Variants in HRH2 observed in about 807,000 individuals in gnomAD.
HRH2 encodes the protein histamine H2 receptor.
A neutral mutation model predicts 20.1 loss-of-function variants in HRH2; 4 were observed. The observed-to-expected ratio is 0.20, with a 90% CI of 0.10 to 0.45. The LOEUF is 0.45. Among genes scored for constraint, HRH2 ranks in the 20% least tolerant of loss-of-function variants. The probability of loss-of-function intolerance (pLI) is 0.99; values close to 1 mark genes in which losing one functional copy is unlikely to be tolerated. For missense variants in HRH2, 250 were observed against 461.6 expected (o/e 0.54, Z 4.20); for synonymous variants, 197 against 200.7 (o/e 0.98, Z 0.16).
intron 1 of HRH2, among the ~76,000 whole-genome samples, chr5:175,674,538 G>A (rs776854738): frequency 6.6e-6 from 1 of 151,952 alleles, no homozygotes; most frequent in South Asian, 2.1e-4. Flanking sequence ...GAGGACACAC[G>A]TCTCGGGGGT....
chr5:175,665,902 T>TG (rs1207360265), intron 1 of HRH2, among the ~76,000 whole-genome samples: 1 of 151,164 alleles, frequency 6.6e-6, no homozygotes, highest in African/African-American at 2.4e-5. Flanking sequence ...AAGATATTTT[T>TG]GGGAAAAAAA....
intron 2 of HRH2, among the ~76,000 whole-genome samples, chr5:175,688,365 G>C (rs867682373): frequency 1.3e-5 from 2 of 152,156 alleles, no homozygotes; most frequent in Non-Finnish European, 2.9e-5. Context: ...CCCCTGTCCT[G>C]CTGCCTTTCC....
intron 1 of HRH2, among the ~76,000 whole-genome samples, chr5:175,678,758 A>G (rs761152447): frequency 5.3e-5 from 8 of 152,336 alleles, no homozygotes; most frequent in Non-Finnish European, 1.0e-4. Context: ...GAGAAGCCCA[A>G]TCAAGCCTTA....
At chr5:175,703,290 C>CTCTT (rs1756848365) in intron 2 of HRH2, among the ~76,000 whole-genome samples, 2 of 152,128 alleles carry the variant, frequency 1.3e-5, no homozygotes, top group South Asian at 4.1e-4. Context: ...CATAACAAAA[C>CTCTT]TCTTACATAG....
Position 175,687,396 on chromosome 5 carries a change from A to G in HRH2, c.1076+3087A>G, listed in dbSNP as rs751962118. 1.3e-5 allele frequency among the ~76,000 whole-genome samples: 2 copies of G among 152,086 alleles called. No individual in the cohort carries two copies. The highest frequency in any genetic ancestry group is 2.4e-5 in the African/African-American group (1 of 41,406). On this transcript the variant is annotated intron_variant, in intron 2 of 2. Transcript: ENST00000636584. The surrounding 1 kb of genome is among the most constrained non-coding windows in gnomAD (Gnocchi z 5.2). ...CAAGATTGGGCTGTCTGCCTGAGCC[A>G]AGAATTCCGAAGGGAACGGAGCCAG...
At chr5:175,665,057 T>C (rs554056703) in intron 1 of HRH2, among the ~76,000 whole-genome samples, 1 of 152,194 alleles carries the variant, frequency 6.6e-6, no homozygotes, top group Non-Finnish European at 1.5e-5. Flanking sequence ...GCCAGGAACT[T>C]AATCAGGATG....
At chr5:175,662,320 G>T (rs965426120) in intron 1 of HRH2, among the ~76,000 whole-genome samples, 3 of 152,172 alleles carry the variant, frequency 2.0e-5, no homozygotes, top group Non-Finnish European at 4.4e-5. Flanking sequence ...AGCTATTTTT[G>T]ATTTTCACAA....
chr5:175,682,134 C>T (rs1756000710), intron 1 of HRH2, among the ~76,000 whole-genome samples: 1 of 152,218 alleles, frequency 6.6e-6, no homozygotes, highest in African/African-American at 2.4e-5. Context: ...GCTGCATTCG[C>T]ACTGCAAAGG....
chr5:175,660,296 A>G (rs922938200), intron 1 of HRH2, among the ~76,000 whole-genome samples: 1 of 152,236 alleles, frequency 6.6e-6, no homozygotes, highest in African/African-American at 2.4e-5. Flanking sequence ...AAATGAAAGG[A>G]TGGAGATATG....
intron 1 of HRH2, among the ~76,000 whole-genome samples, chr5:175,659,717 G>A (rs1762678588): frequency 6.6e-6 from 1 of 152,134 alleles, no homozygotes; most frequent in Non-Finnish European, 1.5e-5. Context: ...TGTATAAGTT[G>A]CGGCATAGCA....
At chr5:175,694,056 T>C (rs1182647390) in intron 2 of HRH2, among the ~76,000 whole-genome samples, 2 of 152,112 alleles carry the variant, frequency 1.3e-5, no homozygotes, top group African/African-American at 2.4e-5. Flanking sequence ...ATCTGAAAAA[T>C]GGGGCTGATC....
At chr5:175,685,015 G>A (rs1448115597) in intron 2 of HRH2, among the ~76,000 whole-genome samples, 6 of 152,138 alleles carry the variant, frequency 3.9e-5, no homozygotes, top group South Asian at 2.1e-4. Context: ...GACTGTAGAC[G>A]AGGGGGTTGT....
intron 2 of HRH2, among the ~76,000 whole-genome samples, chr5:175,695,102 T>C (rs558402009): frequency 6.6e-6 from 1 of 152,188 alleles, no homozygotes; most frequent in Admixed American, 6.5e-5. Context: ...TTCTGGACTT[T>C]GCATTGCAAA....
chr5:175,699,783 C>A (rs112032331), intron 2 of HRH2, among the ~76,000 whole-genome samples: 15,497 of 152,152 alleles, frequency 0.1, 2,485 homozygotes, highest in African/African-American at 0.34. Flanking sequence ...CCGTGTTAGC[C>A]GGAATGGTCT....
intron 2 of HRH2, among the ~76,000 whole-genome samples, chr5:175,698,491 C>G (rs1756683057): frequency 6.6e-6 from 1 of 152,162 alleles, no homozygotes; most frequent in Non-Finnish European, 1.5e-5. Context: ...GCCATTGAGA[C>G]AGTTAAACAG....
At chr5:175,696,711 G>A (rs1756596403) in intron 2 of HRH2, among the ~76,000 whole-genome samples, 1 of 152,192 alleles carries the variant, frequency 6.6e-6, no homozygotes, top group African/African-American at 2.4e-5. Flanking sequence ...CTTCTTCCGT[G>A]GGACCTGCTG....
Position 175,683,768 on chromosome 5 carries a change from A to C in HRH2, c.535A>C (p.Asn179His). Residue 179 changes from asparagine (N) to histidine (H), a missense_variant, in exon 2 of 3, where the codon AAT becomes CAT. Transcript: ENST00000636584. ...HTTSKCKVQV[N>H]EVYGLVDGLV... ...CACCTCTAAGTGCAAAGTCCAGGTC[A>C]ATGAAGTGTACGGGCTGGTGGATGG... The C allele has an allele frequency of 6.2e-7, 1 of 1,614,178 alleles. No homozygotes were observed. Among genetic ancestry groups the C allele is most frequent in the Non-Finnish European group, 8.5e-7 (1 of 1,180,034 alleles).
intron 1 of HRH2, among the ~76,000 whole-genome samples, chr5:175,665,441 C>A (rs989345093): frequency 5.9e-5 from 9 of 152,118 alleles, no homozygotes; most frequent in African/African-American, 2.2e-4. Context: ...GCCTGGAGCA[C>A]AGAGGGTGTG....
chr5:175,659,051 T>C (rs1287652635), intron 1 of HRH2, among the ~76,000 whole-genome samples: 1 of 152,016 alleles, frequency 6.6e-6, no homozygotes, highest in Non-Finnish European at 1.5e-5. Context: ...ATGCCTCAGG[T>C]CCCCTCTGTG....
Sources: allele counts gnomAD v4.1 joint callset (sites outside exome capture counted in the v4.1 genomes callset), GRCh38; gene constraint gnomAD v4.1.1; non-coding constraint Gnocchi (gnomAD v3.1); transcripts MANE v1.5; gene names NCBI Gene and HGNC (gene_info 2026-07-23, HGNC 2026-07-21).